The following XKR6 variants were observed in gnomAD, a reference collection of about 807,000 sequenced individuals.
The protein encoded by XKR6 is XK-related protein 6.
Under a neutral mutation model 56.7 loss-of-function variants are expected in XKR6, and 22 were observed. That is an observed-to-expected ratio of 0.39 (90% CI 0.28 to 0.55). The LOEUF (loss-of-function observed/expected upper bound fraction) is 0.55, where lower values mean the gene tolerates loss of function less well. XKR6 is among the 20% of genes least tolerant of loss of function. XKR6 has a pLI of 0.66. For synonymous variants in XKR6, 524 were observed against 387.8 expected, an observed-to-expected ratio of 1.35 and a Z score of -4.13; for missense variants, 852 against 889.0, an observed-to-expected ratio of 0.96 and a Z score of 0.53.
chr8:11,108,033 C>A (rs1270105018), intron 1 of XKR6: 1 of 324,570 alleles, frequency 3.1e-6, no homozygotes, highest in Non-Finnish European at 5.9e-6. Context: ...CGCCTCTCAG[C>A]GAGGCTGTAT....
At chr8:11,190,917 T>C (rs537164173) in intron 1 of XKR6, among the ~76,000 whole-genome samples, 1 of 152,268 alleles carries the variant, frequency 6.6e-6, no homozygotes, top group East Asian at 1.9e-4. Context: ...GAATATTCAA[T>C]ATAGTTTCCT....
chr8:11,167,485 A>C (rs1470546880), intron 1 of XKR6, among the ~76,000 whole-genome samples: 1 of 152,216 alleles, frequency 6.6e-6, no homozygotes. Context: ...GGCATTGCCC[A>C]AAAACAATCC....
At chr8:11,066,656 G>A (rs1237026282) in intron 1 of XKR6, among the ~76,000 whole-genome samples, 5 of 152,226 alleles carry the variant, frequency 3.3e-5, no homozygotes, top group Admixed American at 1.3e-4. Context: ...TCCAAAGCAC[G>A]TGGACAGCAC....
intron 1 of XKR6, among the ~76,000 whole-genome samples, chr8:11,199,205 G>A (rs1355211774): frequency 2.0e-5 from 3 of 152,202 alleles, no homozygotes; most frequent in Non-Finnish European, 4.4e-5. Flanking sequence ...ACTCTGGGTG[G>A]TGCAGGGCCT....
At chr8:11,171,559 T>C (rs1293433743) in intron 1 of XKR6, among the ~76,000 whole-genome samples, 1 of 152,178 alleles carries the variant, frequency 6.6e-6, no homozygotes, top group African/African-American at 2.4e-5. Flanking sequence ...CCACGGGAGC[T>C]GGTTGTTAAA....
chr8:11,181,324 T>C (rs549878260), intron 1 of XKR6, among the ~76,000 whole-genome samples: 5 of 152,380 alleles, frequency 3.3e-5, no homozygotes, highest in African/African-American at 9.6e-5. Flanking sequence ...TTTTAGATTC[T>C]TTGGTGCTAG....
chr8:11,144,938 C>G (rs183564680), intron 1 of XKR6, among the ~76,000 whole-genome samples: 1 of 126,980 alleles, frequency 7.9e-6, no homozygotes, highest in Non-Finnish European at 1.6e-5. Flanking sequence ...GGGAGAGAAG[C>G]GAGGAAAGAA....
chr8:10,991,737 G>A (rs1408785221), intron 1 of XKR6, among the ~76,000 whole-genome samples: 1 of 152,174 alleles, frequency 6.6e-6, no homozygotes, highest in Non-Finnish European at 1.5e-5. Context: ...TAGAGTTGCA[G>A]AATTCCTTCA....
At chr8:10,933,811 T>C (rs1225444936) in intron 1 of XKR6, among the ~76,000 whole-genome samples, 1 of 143,894 alleles carries the variant, frequency 6.9e-6, no homozygotes, top group Admixed American at 6.9e-5. Context: ...CCTTGTAGTA[T>C]AGTTTGAAGT....
At chr8:10,988,477 T>C (rs1307330239) in intron 1 of XKR6, among the ~76,000 whole-genome samples, 3 of 152,120 alleles carry the variant, frequency 2.0e-5, no homozygotes, top group Non-Finnish European at 2.9e-5. Flanking sequence ...ACTACCTCCA[T>C]ATGCAGGAGA....
chr8:11,120,317 T>C (rs1464054593), intron 1 of XKR6, among the ~76,000 whole-genome samples: 1 of 152,202 alleles, frequency 6.6e-6, no homozygotes. Flanking sequence ...CTCCTTAAGC[T>C]GATAAGCAAA....
At chr8:11,193,825 T>C (rs1213465153) in intron 1 of XKR6, among the ~76,000 whole-genome samples, 2 of 148,336 alleles carry the variant, frequency 1.3e-5, no homozygotes, top group African/African-American at 2.5e-5. Context: ...TACGCATATA[T>C]TGCTTTAGCT....
chr8:10,943,821 C>T (rs1019527358), intron 1 of XKR6, among the ~76,000 whole-genome samples: 4 of 152,124 alleles, frequency 2.6e-5, no homozygotes, highest in Non-Finnish European at 4.4e-5. Flanking sequence ...ATTCCCTCCC[C>T]TTCTCATTCA....
intron 2 of XKR6, among the ~76,000 whole-genome samples, chr8:10,918,648 G>C (rs1800628961): frequency 6.6e-6 from 1 of 152,204 alleles, no homozygotes; most frequent in Non-Finnish European, 1.5e-5. Flanking sequence ...TTCCAAGCTT[G>C]AGGCGTTGTG....
At chr8:11,183,588 G>A (rs1282300408) in intron 1 of XKR6, among the ~76,000 whole-genome samples, 1 of 151,916 alleles carries the variant, frequency 6.6e-6, no homozygotes, top group African/African-American at 2.4e-5. Flanking sequence ...ATCCCAAAGT[G>A]CTGGGATTAC....
chr8:11,154,117 T>TC (rs1270054495), intron 1 of XKR6, among the ~76,000 whole-genome samples: 1 of 152,150 alleles, frequency 6.6e-6, no homozygotes, highest in Non-Finnish European at 1.5e-5. Flanking sequence ...AATAGAAGTG[T>TC]CCTTGTTTAG....
At chr8:11,168,794 C>T (rs1381719320) in intron 1 of XKR6, among the ~76,000 whole-genome samples, 1 of 152,154 alleles carries the variant, frequency 6.6e-6, no homozygotes, top group African/African-American at 2.4e-5. Flanking sequence ...AGAAAACTCG[C>T]ACAAACATCC....
chr8:11,179,173 T>C (rs1802838282), intron 1 of XKR6, among the ~76,000 whole-genome samples: 1 of 151,988 alleles, frequency 6.6e-6, no homozygotes, highest in South Asian at 2.1e-4. Flanking sequence ...TTTTAATTCA[T>C]TTTGATTGGT....
rs751995325 is a variant in XKR6 at position 11,201,216 on chromosome 8, CGCCGCCGCA to C, written c.115_123del (p.Cys39_Gly41del). 7.0e-5 allele frequency: 107 copies of C among 1,535,840 alleles called. No homozygotes were observed. Among genetic ancestry groups the C allele is most frequent in the Non-Finnish European group, 8.7e-5 (100 of 1,148,440 alleles). ...TCGCCGGGCTCGCTGCCGTCGCCGC[CGCCGCCGCA>C]GCCGCCTCCCCCGGGCTCCCCGTCC... is the stretch of plus-strand genomic sequence containing the variant. On this transcript the variant is annotated inframe_deletion, in exon 1 of 3. Transcript: ENST00000416569.
Sources: gnomAD v4.1 joint callset for allele counts (sites outside exome capture counted in the v4.1 genomes callset) on GRCh38, gnomAD v4.1.1 for gene constraint, MANE v1.5 for transcripts, NCBI Gene and HGNC (gene_info 2026-07-23, HGNC 2026-07-21) for gene names.